The following HMG20A variants were observed in gnomAD, a reference collection of about 807,000 sequenced individuals.
The protein encoded by HMG20A is high mobility group 20A.
A neutral mutation model predicts 43.9 loss-of-function variants in HMG20A; 17 were observed. That is an observed-to-expected ratio of 0.39 (90% CI 0.27 to 0.58). The LOEUF is 0.58. Ranked by LOEUF, HMG20A falls within the 20% of genes least tolerant of loss-of-function variation. The pLI, the probability that HMG20A is intolerant of heterozygous loss-of-function variation, is 0.59. For synonymous variants in HMG20A, 132 were observed against 147.5 expected, an observed-to-expected ratio of 0.89 and a Z score of 0.76; for missense variants, 341 against 438.2, an observed-to-expected ratio of 0.78 and a Z score of 1.98.
chr15:77,464,078 A>C (rs2142334640), intron 2 of HMG20A, among the ~76,000 whole-genome samples, 162 bp from the exon 3 acceptor site: 1 of 152,322 alleles, frequency 6.6e-6, no homozygotes, highest in East Asian at 1.9e-4. Flanking sequence ...GTTTTTTTAA[A>C]ACGCCCTGTA....
At chr15:77,421,179 G>C in intron 1 of HMG20A, 175 bp downstream of exon 1, 56 of 226,854 alleles carry the variant, frequency 2.5e-4, no homozygotes, top group Non-Finnish European at 3.0e-4. Context: ...GGGGAGGGGG[G>C]ACACCCTCAC....
In HMG20A at chr15:77,443,377, ATGATTAT is replaced by A. The variant is rs1224382054; in HGVS notation, c.-4-15025_-4-15019del. 1.2e-3 allele frequency among the ~76,000 whole-genome samples: 137 copies of A among 114,954 alleles called. 1 individual carries two copies. Among genetic ancestry groups the A allele is most frequent in the African/African-American group, 3.9e-3 (130 of 33,348 alleles). The allele number at this position is 114,954 out of a possible 152,430, so 75.4% of individuals were successfully genotyped here. On this transcript the variant is annotated intron_variant, in intron 1 of 9. Transcript: ENST00000336216. ...TATGATGATGATGATGATGATGATG[ATGATTAT>A]TATTATTATTATTATTATTATTATT...
At chr15:77,513,945 C>T in the HMG20A span, among the ~76,000 whole-genome samples, 12,063 of 152,176 alleles carry the variant, frequency 0.079, 606 homozygotes, top group Non-Finnish European at 0.11. Context: ...AGGATGGTCT[C>T]GATCTCTTGA....
At chr15:77,423,094 G>T (rs1283602154) in intron 1 of HMG20A, among the ~76,000 whole-genome samples, 1 of 152,074 alleles carries the variant, frequency 6.6e-6, no homozygotes, top group Non-Finnish European at 1.5e-5. Context: ...TATTAAATTG[G>T]TCTTTATGGT....
chr15:77,463,303 C>T (rs968972387), intron 2 of HMG20A, among the ~76,000 whole-genome samples: 3 of 152,136 alleles, frequency 2.0e-5, no homozygotes, highest in Admixed American at 2.0e-4. Flanking sequence ...ATTCATCATA[C>T]CCTCTACCAT....
At chr15:77,458,528 C>A (rs1301042417) in intron 2 of HMG20A, 32 bp downstream of exon 2, 8 of 1,407,108 alleles carry the variant, frequency 5.7e-6, no homozygotes, top group African/African-American at 5.7e-5. Flanking sequence ...CTGGACTTCT[C>A]CATAGGCCTC....
At chr15:77,452,799 A>G (rs1420237638) in intron 1 of HMG20A, among the ~76,000 whole-genome samples, 1 of 152,280 alleles carries the variant, frequency 6.6e-6, no homozygotes, top group East Asian at 1.9e-4. Context: ...ACCACTATCA[A>G]AGTGAAAAGA....
chr15:77,446,724 G>A (rs886428986), intron 1 of HMG20A, among the ~76,000 whole-genome samples: 3 of 151,520 alleles, frequency 2.0e-5, no homozygotes, highest in Admixed American at 6.6e-5. Flanking sequence ...GGAGAATGGC[G>A]TGAACCCTGG....
the HMG20A span, among the ~76,000 whole-genome samples, chr15:77,509,149 T>C: frequency 2.6e-5 from 4 of 152,132 alleles, no homozygotes; most frequent in Admixed American, 1.3e-4. Context: ...TTGATGCTAC[T>C]GTCATGAAGC....
chr15:77,502,687 G>T, the HMG20A span, among the ~76,000 whole-genome samples: 2 of 152,144 alleles, frequency 1.3e-5, no homozygotes, highest in East Asian at 3.8e-4. Flanking sequence ...GGTGTTAAAG[G>T]CCAGGTTCAA....
intron 1 of HMG20A, among the ~76,000 whole-genome samples, chr15:77,421,725 A>G (rs533247541): frequency 7.9e-5 from 12 of 152,376 alleles, no homozygotes; most frequent in Non-Finnish European, 1.3e-4. Flanking sequence ...ACCTTAACTG[A>G]TAAAATTGAC....
the HMG20A span, among the ~76,000 whole-genome samples, chr15:77,490,611 C>T: frequency 1.3e-5 from 2 of 152,202 alleles, no homozygotes; most frequent in East Asian, 3.9e-4. Context: ...TTTCTTGAGC[C>T]CAGGAGTTCA....
chr15:77,495,544 A>C, the HMG20A span, among the ~76,000 whole-genome samples: 1 of 152,164 alleles, frequency 6.6e-6, no homozygotes, highest in Non-Finnish European at 1.5e-5. Flanking sequence ...GCAAGACTCC[A>C]TCTCAAAAAA....
Position 77,455,767 on chromosome 15 carries a change from CA to C in HMG20A, c.-4-2636del, listed in dbSNP as rs144903046. On this transcript the variant is annotated intron_variant, in intron 1 of 9. Coordinates refer to ENST00000336216, the MANE Select transcript of HMG20A (RefSeq NM_001304504.2). ...CTCTGTACTGGGACATCATCAGGCA[CA>C]GATGCTACATGTGAAGGGCTTTTGG... 2.9e-3 allele frequency among the ~76,000 whole-genome samples: 444 copies of C among 152,306 alleles called. 2 individuals carry two copies. The highest frequency in any genetic ancestry group is 0.01 in the African/African-American group (423 of 41,560).
the HMG20A span, among the ~76,000 whole-genome samples, chr15:77,495,382 T>A: frequency 1.3e-5 from 2 of 152,072 alleles, no homozygotes; most frequent in East Asian, 3.9e-4. Flanking sequence ...ATCCTGTCTC[T>A]ACTAAAAATA....
At chr15:77,461,421 T>C (rs948300979) in intron 2 of HMG20A, among the ~76,000 whole-genome samples, 1 of 152,196 alleles carries the variant, frequency 6.6e-6, no homozygotes, top group African/African-American at 2.4e-5. Flanking sequence ...TATATGCTGA[T>C]TGGACTGATC....
At chr15:77,433,274 C>T (rs901943795) in intron 1 of HMG20A, among the ~76,000 whole-genome samples, 4 of 143,066 alleles carry the variant, frequency 2.8e-5, no homozygotes, top group Admixed American at 7.6e-5. Context: ...GCTAGGAGTT[C>T]GAGGTTACAG....
the HMG20A span, among the ~76,000 whole-genome samples, chr15:77,516,591 A>C: frequency 2.0e-5 from 3 of 152,078 alleles, no homozygotes; most frequent in Admixed American, 2.0e-4. Context: ...GACCCTCCCC[A>C]AAAGACAAAC....
chr15:77,452,115 A>G (rs2072608571), intron 1 of HMG20A, among the ~76,000 whole-genome samples: 1 of 152,220 alleles, frequency 6.6e-6, no homozygotes, highest in African/African-American at 2.4e-5. Context: ...ATAAATAAAT[A>G]CTAATTGAAT....
Sources: gnomAD v4.1 joint callset for allele counts (sites outside exome capture counted in the v4.1 genomes callset) on GRCh38, gnomAD v4.1.1 for gene constraint, MANE v1.5 for transcripts, NCBI Gene and HGNC (gene_info 2026-07-23, HGNC 2026-07-21) for gene names.